Variants in EYA2 observed in about 807,000 individuals in gnomAD.
EYA2 encodes the protein protein phosphatase EYA2.
In EYA2, 31 loss-of-function variants were observed where a neutral mutation model predicts 69.2. The ratio of observed to expected loss-of-function variants is 0.45; its 90% CI spans 0.34 to 0.60. EYA2 has a LOEUF of 0.60. EYA2 is among the 20% of genes least tolerant of loss of function. The pLI, the probability that EYA2 is intolerant of heterozygous loss-of-function variation, is 0.02. For synonymous variants in EYA2, 257 were observed against 279.4 expected (o/e 0.92, Z 0.80); for missense variants, 622 against 701.2 (o/e 0.89, Z 1.28).
chr20:47,166,476 G>A lies in EYA2; in HGVS notation c.979-2663G>A, dbSNP rs1235029386. 1.9e-4 allele frequency among the ~76,000 whole-genome samples: 22 copies of A among 117,806 alleles called. No individual in the cohort carries two copies. In the Admixed American group the frequency reaches 2.3e-3, roughly 12 times the overall value. The allele number at this position is 117,806 out of a possible 152,430, so 77.3% of individuals were successfully genotyped here. ...GTCTAAAAAGAGATCTGTTCAAAAT[G>A]TTGCAAATACCCTTTCTTCCAATTT... On this transcript the variant is annotated intron_variant, in intron 10 of 15. Coordinates refer to ENST00000327619, the MANE Select transcript of EYA2 (RefSeq NM_005244.5).
In EYA2 at chr20:47,016,213, C is replaced by T; in HGVS notation, c.331C>T (p.Pro111Ser). The T allele has an allele frequency of 6.2e-7, 1 of 1,614,158 alleles. No individual in the cohort carries two copies. The highest frequency in any genetic ancestry group is 1.1e-5 in the South Asian group (1 of 91,076). ...GACAGAAGACAGCTTGAACCATTCCCCTGGCCAGAGTGGATTCCTCAGCTA... is the reference window on the plus strand; with the variant it reads ...GACAGAAGACAGCTTGAACCATTCCTCTGGCCAGAGTGGATTCCTCAGCTA... ...IKTEDSLNHS[P>S]GQSGFLSYGS... The change falls in exon 5 of 16, where the codon CCT becomes TCT. Residue 111 changes from proline to serine, a missense_variant. By Grantham distance (74) the Pro-to-Ser change is moderately conservative. Transcript: ENST00000327619.
intron 7 of EYA2, among the ~76,000 whole-genome samples, chr20:47,075,092 CAA>C (rs576268659): frequency 1.3e-4 from 20 of 152,358 alleles, no homozygotes; most frequent in African/African-American, 4.8e-4. Flanking sequence ...GCCTGGGCAA[CAA>C]GAGTGAAACT....
chr20:47,085,528 C>T (rs967565515), intron 7 of EYA2, among the ~76,000 whole-genome samples: 7 of 151,954 alleles, frequency 4.6e-5, no homozygotes, highest in African/African-American at 1.2e-4. Flanking sequence ...TGCCTGTAAT[C>T]CCAGCTACTC....
rs1038003168 is a variant in EYA2, at chr20:47,177,793, T to C, written c.1199-2005T>C. 2.6e-5 allele frequency among the ~76,000 whole-genome samples: 4 copies of C among 152,262 alleles called. 1 individual carries two copies. The highest frequency in any genetic ancestry group is 9.6e-5 in the African/African-American group (4 of 41,480). On this transcript the variant is annotated intron_variant, in intron 12 of 15. Coordinates refer to ENST00000327619, the MANE Select transcript of EYA2 (RefSeq NM_005244.5). ...TGAGCATCAAGCACAGGCCAGCCCC[T>C]GCTACAGAAACTGCTGCTATGATGG...
intron 1 of EYA2, among the ~76,000 whole-genome samples, chr20:46,989,175 G>C (rs1568708098): frequency 6.6e-6 from 1 of 152,126 alleles, no homozygotes; most frequent in Non-Finnish European, 1.5e-5. Context: ...CTCTTGGTCA[G>C]GTCCACAGTG....
intron 1 of EYA2, among the ~76,000 whole-genome samples, chr20:46,961,283 G>A (rs545929766): frequency 1.3e-5 from 2 of 152,264 alleles, no homozygotes; most frequent in South Asian, 4.1e-4. Context: ...CCAAGATCAT[G>A]CCACTGCACT....
intron 5 of EYA2, among the ~76,000 whole-genome samples, chr20:47,026,892 C>A (rs757829797): frequency 5.9e-5 from 9 of 152,234 alleles, no homozygotes; most frequent in Non-Finnish European, 1.2e-4. Flanking sequence ...AATGTGAAAT[C>A]TCCTTATTCT....
At chr20:46,924,225 G>C (rs766245050) in intron 1 of EYA2, among the ~76,000 whole-genome samples, 1 of 152,146 alleles carries the variant, frequency 6.6e-6, no homozygotes, top group African/African-American at 2.4e-5. Flanking sequence ...GACAGTGCAC[G>C]GTATGGGTGG....
intron 9 of EYA2, among the ~76,000 whole-genome samples, chr20:47,118,441 C>CG (rs544743266): frequency 1.4e-5 from 2 of 140,226 alleles, no homozygotes; most frequent in East Asian, 4.4e-4. Context: ...GTCATTTTGG[C>CG]GGGGGTGGGT....
chr20:46,917,153 A>C lies in EYA2; in HGVS notation c.-11+22166A>C, dbSNP rs564138324. Among the ~76,000 whole-genome samples, 3 of 152,292 alleles carry C rather than the reference A, an allele frequency of 2.0e-5. No homozygotes were observed. In the South Asian group the frequency reaches 6.2e-4, roughly 32 times the overall value. On this transcript the variant is annotated intron_variant, in intron 1 of 15. Coordinates refer to ENST00000327619, the MANE Select transcript of EYA2 (RefSeq NM_005244.5). The stretch of plus-strand genomic sequence containing the variant: ...CTAACATCTTGTACTTCCTCAAAGC[A>C]CTTAAACTTGTTAAATACTTAATCG...
intron 5 of EYA2, among the ~76,000 whole-genome samples, chr20:47,035,610 T>C (rs1245706730): frequency 1.3e-5 from 2 of 152,176 alleles, no homozygotes; most frequent in African/African-American, 4.8e-5. Context: ...CGCTTAGTAA[T>C]GTATCCTAAT....
chr20:47,073,504 G>T (rs1318215766), intron 6 of EYA2, among the ~76,000 whole-genome samples: 2 of 150,722 alleles, frequency 1.3e-5, no homozygotes, highest in Non-Finnish European at 3.0e-5. Flanking sequence ...TGGGGGGGGG[G>T]TGCAGTGTGG....
chr20:46,918,143 T>A (rs187760742), intron 1 of EYA2, among the ~76,000 whole-genome samples: 1 of 151,766 alleles, frequency 6.6e-6, no homozygotes, highest in East Asian at 2.0e-4. Flanking sequence ...ACACGCTGAA[T>A]CCCCATCTCT....
rs555905075 is a variant in EYA2 at position 47,148,376 on chromosome 20, G to A, written c.978+5228G>A. ...CCCAATGTGGGGGCCTTTCCACCAGGGGGCTACAGGGGCTACATGTGTCCC... is the reference window on the plus strand; with the variant it reads ...CCCAATGTGGGGGCCTTTCCACCAGAGGGCTACAGGGGCTACATGTGTCCC... On this transcript the variant is annotated intron_variant, in intron 10 of 15. Coordinates refer to ENST00000327619, the MANE Select transcript of EYA2 (RefSeq NM_005244.5). Among the ~76,000 whole-genome samples, 4 of 152,328 alleles carry A rather than the reference G, an allele frequency of 2.6e-5. No homozygotes were observed. The East Asian group carries it at 7.7e-4, about 29-fold the overall frequency.
intron 15 of EYA2, among the ~76,000 whole-genome samples, chr20:47,184,888 G>A (rs2034606861): frequency 6.6e-6 from 1 of 152,180 alleles, no homozygotes; most frequent in African/African-American, 2.4e-5. Context: ...AGCTAGTCAG[G>A]CAAGAGTAGA....
intron 9 of EYA2, among the ~76,000 whole-genome samples, chr20:47,116,581 C>T (rs1481332715): frequency 5.9e-5 from 9 of 152,206 alleles, no homozygotes; most frequent in Admixed American, 5.9e-4. Flanking sequence ...TTGGGTGTGA[C>T]GATGTCCCTC....
At chr20:47,169,497 T>G (rs1169721105) in intron 11 of EYA2, among the ~76,000 whole-genome samples, 3 of 152,088 alleles carry the variant, frequency 2.0e-5, no homozygotes, top group African/African-American at 7.2e-5. Context: ...AATAAATAAA[T>G]GAGTAAAAAT....
intron 9 of EYA2, among the ~76,000 whole-genome samples, chr20:47,103,255 C>T (rs2032475731): frequency 6.6e-6 from 1 of 152,086 alleles, no homozygotes; most frequent in South Asian, 2.1e-4. Context: ...TAGCAGTCAC[C>T]CCTGCCATTT....
chr20:47,035,476 CT>C (rs1274936942), intron 5 of EYA2, among the ~76,000 whole-genome samples: 1 of 152,190 alleles, frequency 6.6e-6, no homozygotes, highest in Non-Finnish European at 1.5e-5. Flanking sequence ...AAACCAGCCC[CT>C]TCTGTCTGCC....
Sources: allele counts gnomAD v4.1 joint callset (sites outside exome capture counted in the v4.1 genomes callset), GRCh38; gene constraint gnomAD v4.1.1; transcripts MANE v1.5; gene names NCBI Gene and HGNC (gene_info 2026-07-23, HGNC 2026-07-21).